The following CASZ1 variants were observed in gnomAD, a reference collection of about 807,000 sequenced individuals.
The protein encoded by CASZ1 is zinc finger protein castor homolog 1.
In CASZ1, 28 loss-of-function variants were observed where a neutral mutation model predicts 135.2. The observed-to-expected ratio is 0.21, with a 90% CI of 0.15 to 0.28. The LOEUF (loss-of-function observed/expected upper bound fraction) is 0.28, where lower values mean the gene tolerates loss of function less well. Among genes scored for constraint, CASZ1 ranks in the 10% least tolerant of loss-of-function variants. The probability of loss-of-function intolerance (pLI) is 1.00; values close to 1 mark genes in which losing one functional copy is unlikely to be tolerated. For synonymous variants in CASZ1, 1,068 were observed against 1,073.4 expected, an observed-to-expected ratio of 0.99 and a Z score of 0.10; for missense variants, 2,161 against 2,453.3, an observed-to-expected ratio of 0.88 and a Z score of 2.52.
chr1:10,639,283 CCG>C lies in CASZ1; in HGVS notation c.4937_4938del (p.Ala1646GlyfsTer180). On this transcript the variant is annotated frameshift_variant, in exon 21 of 21. Coordinates refer to ENST00000377022, the MANE Select transcript of CASZ1 (RefSeq NM_001079843.3). LOFTEE classifies it high-confidence loss of function. The surrounding 1 kb of genome is among the most constrained non-coding windows in gnomAD (Gnocchi z 4.0). ...GCGGCGTCGGGCGGGCCGGGGTCGC[CCG>C]CGTCGCCCAGCGCCAGGCCCAGGCC... ...AAGLGLALGD[A>X]GDPGPPDAAA... is the part of the protein sequence containing the mutation. The C allele has an allele frequency of 8.5e-7, 1 of 1,172,974 alleles. No homozygotes were observed. The highest frequency in any genetic ancestry group is 1.6e-5 in the African/African-American group (1 of 60,686). 72.7% of individuals were successfully genotyped at this position (1,172,974 alleles called of 1,614,324 possible). A position where few individuals can be genotyped will look rare whatever the true frequency, so the allele number is the denominator to read the frequency against.
At chr1:10,715,127 C>G (rs1007556717) in intron 2 of CASZ1, among the ~76,000 whole-genome samples, 4 of 152,240 alleles carry the variant, frequency 2.6e-5, no homozygotes, top group African/African-American at 9.6e-5. Context: ...ACCCTGGCCT[C>G]CGGTTGGCCC....
chr1:10,778,258 C>G (rs568344557), intron 1 of CASZ1, among the ~76,000 whole-genome samples: 1 of 151,602 alleles, frequency 6.6e-6, no homozygotes. Context: ...CACAGCATCT[C>G]CCACAAAAAT....
At position 10,638,908 on chromosome 1, in the gene CASZ1, C is replaced by A; in HGVS notation, c.*34G>T. ...GGCGGCGCCGCTCCCGAGGCCGAGG[C>A]CGAGGCCGCCGCCAGGGCCACCCGC... On this transcript the variant is annotated 3_prime_UTR_variant, in exon 21 of 21. Coordinates refer to ENST00000377022, the MANE Select transcript of CASZ1 (RefSeq NM_001079843.3). This position sits in a 1 kb window ranked among gnomAD's most constrained non-coding sequence, Gnocchi z 5.9. 1 of 980,494 alleles carries A rather than the reference C, an allele frequency of 1.0e-6. No individual in the cohort carries two copies. The highest frequency in any genetic ancestry group is 1.2e-6 in the Non-Finnish European group (1 of 828,350). The allele number at this position is 980,494 out of a possible 1,614,324, so 60.7% of individuals were successfully genotyped here. A position where few individuals can be genotyped will look rare whatever the true frequency, so the allele number is the denominator to read the frequency against.
At chr1:10,785,368 G>A (rs190694934) in intron 1 of CASZ1, among the ~76,000 whole-genome samples, 6 of 150,214 alleles carry the variant, frequency 4.0e-5, no homozygotes, top group East Asian at 3.9e-4. Context: ...CTTCAAGCAC[G>A]TGGCCTGGAG....
intron 2 of CASZ1, among the ~76,000 whole-genome samples, chr1:10,743,059 G>A (rs570476600): frequency 6.6e-6 from 1 of 152,266 alleles, no homozygotes; most frequent in South Asian, 2.1e-4. Context: ...CCCCCTGAAA[G>A]CAGTACTGAA....
intron 1 of CASZ1, among the ~76,000 whole-genome samples, chr1:10,770,511 G>A (rs1640556980): frequency 6.6e-6 from 1 of 152,182 alleles, no homozygotes; most frequent in Admixed American, 6.5e-5. Context: ...CAGGAGCAGA[G>A]TGTACGGAGG....
chr1:10,710,404 C>T (rs937310993), intron 2 of CASZ1, among the ~76,000 whole-genome samples: 4 of 152,192 alleles, frequency 2.6e-5, no homozygotes, highest in Non-Finnish European at 4.4e-5. Context: ...GAGGAAGCAA[C>T]GCCTCCATTT....
chr1:10,691,523 G>A (rs999571188), intron 4 of CASZ1, among the ~76,000 whole-genome samples: 2 of 152,200 alleles, frequency 1.3e-5, no homozygotes, highest in Non-Finnish European at 2.9e-5. Flanking sequence ...GCAGCCCTTC[G>A]AGGCCTGCGC....
At chr1:10,688,980 T>G (rs1638680563) in intron 4 of CASZ1, among the ~76,000 whole-genome samples, 1 of 151,430 alleles carries the variant, frequency 6.6e-6, no homozygotes, top group Non-Finnish European at 1.5e-5. Context: ...CCTCTGAAGA[T>G]GAGGAGGAGA....
At chr1:10,643,495 G>T (rs1191637465) in intron 18 of CASZ1, among the ~76,000 whole-genome samples, 184 bp from the exon 19 acceptor site, 1 of 152,236 alleles carries the variant, frequency 6.6e-6, no homozygotes, top group African/African-American at 2.4e-5. Context: ...AAAGCCCCCT[G>T]GCTGTCCAAA....
intron 3 of CASZ1, among the ~76,000 whole-genome samples, chr1:10,704,828 G>A (rs909182903): frequency 2.0e-5 from 3 of 152,230 alleles, no homozygotes; most frequent in African/African-American, 4.8e-5. Context: ...CGGTGGCCCC[G>A]CGGTTTCTCG....
chr1:10,689,100 G>C (rs1228770051), intron 4 of CASZ1, among the ~76,000 whole-genome samples: 1 of 152,170 alleles, frequency 6.6e-6, no homozygotes, highest in Non-Finnish European at 1.5e-5. Flanking sequence ...GGGGGCATGG[G>C]GGGTGGGCCA....
In CASZ1 at chr1:10,792,336, C is replaced by A. The variant is rs1341848959; in HGVS notation, c.-234+4228G>T. ...CTTACCCCTCCCCCCCGCCCCCCCC[C>A]CCCCGGCCCCGCACACAAAGTAAAT... On this transcript the variant is annotated intron_variant, in intron 1 of 20. Coordinates refer to ENST00000377022, the MANE Select transcript of CASZ1 (RefSeq NM_001079843.3). Among the ~76,000 whole-genome samples, 12 of 42,592 alleles carry A rather than the reference C, an allele frequency of 2.8e-4. 2 individuals carry two copies. The highest frequency in any genetic ancestry group is 8.4e-4 in the African/African-American group (11 of 13,154). The allele number at this position is 42,592 out of a possible 152,430, so 27.9% of individuals were successfully genotyped here.
chr1:10,700,344 TC>T lies in CASZ1; in HGVS notation c.-24+5147del, dbSNP rs1406504133. ...TTGCTGCTGGTTCCTGCTCCAAGCC[TC>T]CCTTCTAGGAGCAGGGCTGGGGAGA... On this transcript the variant is annotated intron_variant, in intron 3 of 20. Coordinates refer to ENST00000377022, the MANE Select transcript of CASZ1 (RefSeq NM_001079843.3). This position sits in a 1 kb window ranked among gnomAD's most constrained non-coding sequence, Gnocchi z 4.2. 6.6e-6 allele frequency among the ~76,000 whole-genome samples: 1 copy of T among 152,164 alleles called. No homozygotes were observed. The highest frequency in any genetic ancestry group is 1.5e-5 in the Non-Finnish European group (1 of 68,014).
At chr1:10,640,693 C>T (rs962939101) in intron 20 of CASZ1, among the ~76,000 whole-genome samples, 6 of 152,150 alleles carry the variant, frequency 3.9e-5, no homozygotes, top group African/African-American at 1.4e-4. Context: ...GAGAGGGCAG[C>T]CCTGATGGAG....
At position 10,656,691 on chromosome 1, in the gene CASZ1, C is replaced by T; in HGVS notation, c.1455G>A (p.Gln485=). 6.2e-7 allele frequency: 1 copy of T among 1,604,076 alleles called. No individual in the cohort carries two copies. Among genetic ancestry groups the T allele is most frequent in the Non-Finnish European group, 8.5e-7 (1 of 1,176,238 alleles). The change falls in exon 8 of 21, where the codon CAG becomes CAA. Residue 485 remains glutamine, a synonymous_variant. Transcript: ENST00000377022. ...CAAGGCAGTGGTAGTGCTCGCGGTA[C>T]TGGTAGGCACAGTGGATGTGGCCAC... is the stretch of plus-strand genomic sequence containing the variant. The part of the protein sequence containing the change: ...QHCGHIHCAY[Q]YREHYHCLDP...
intron 2 of CASZ1, among the ~76,000 whole-genome samples, chr1:10,738,720 A>T (rs978165340): frequency 2.6e-5 from 4 of 152,176 alleles, no homozygotes; most frequent in Non-Finnish European, 4.4e-5. Flanking sequence ...CCACAGGGAG[A>T]GGGGGAGGAG....
chr1:10,794,222 T>C lies in CASZ1; in HGVS notation c.-234+2342A>G, dbSNP rs1464692982. On this transcript the variant is annotated intron_variant, in intron 1 of 20. Coordinates refer to ENST00000377022, the MANE Select transcript of CASZ1 (RefSeq NM_001079843.3). The surrounding 1 kb of genome is among the most constrained non-coding windows in gnomAD (Gnocchi z 5.6). The stretch of plus-strand genomic sequence containing the variant: ...GTGCGCGCGCGCGCGCGTCGTGGGT[T>C]GGGCGGGGGGACACCAAGATTATCC... Among the ~76,000 whole-genome samples the C allele has an allele frequency of 6.6e-6, 1 of 150,776 alleles. No homozygotes were observed. Among genetic ancestry groups the C allele is most frequent in the Non-Finnish European group, 1.5e-5 (1 of 67,602 alleles).
intron 1 of CASZ1, among the ~76,000 whole-genome samples, chr1:10,768,675 A>T (rs1290406652): frequency 6.6e-6 from 1 of 151,962 alleles, no homozygotes; most frequent in Non-Finnish European, 1.5e-5. Context: ...GGGGGAGGGG[A>T]AGCAGAGCCC....
Sources: allele counts gnomAD v4.1 joint callset (sites outside exome capture counted in the v4.1 genomes callset), GRCh38; gene constraint gnomAD v4.1.1; non-coding constraint Gnocchi (gnomAD v3.1); transcripts MANE v1.5; gene names NCBI Gene and HGNC (gene_info 2026-07-23, HGNC 2026-07-21).